PREX2: variants seen among roughly 807,000 people sequenced by gnomAD.
PREX2 encodes phosphatidylinositol-3,4,5-trisphosphate dependent Rac exchange factor 2.
Under a neutral mutation model 203.2 loss-of-function variants are expected in PREX2, and 107 were observed. The ratio of observed to expected loss-of-function variants is 0.53; its 90% CI spans 0.45 to 0.62. The LOEUF is 0.62. PREX2 is among the 20% of genes least tolerant of loss of function. The pLI is 0.00. For synonymous variants in PREX2, 672 were observed against 663.6 expected (o/e 1.01, Z -0.19); for missense variants, 1,777 against 1,955.9 (o/e 0.91, Z 1.72).
At chr8:67,961,020 A>G (rs1167837330) in intron 1 of PREX2, among the ~76,000 whole-genome samples, 1 of 151,250 alleles carries the variant, frequency 6.6e-6, no homozygotes, top group Non-Finnish European at 1.5e-5. Context: ...ACCATGGTGC[A>G]AATAGTATAA....
chr8:68,159,295 A>T (rs1052991737), intron 35 of PREX2, among the ~76,000 whole-genome samples: 1 of 152,240 alleles, frequency 6.6e-6, no homozygotes, highest in South Asian at 2.1e-4. Flanking sequence ...TACCAAAGAC[A>T]AATCTTAGTT....
chr8:68,191,687 C>A, intron 35 of PREX2, 35 bp from the exon 36 acceptor site: 16 of 1,484,984 alleles, frequency 1.1e-5, no homozygotes, highest in Non-Finnish European at 1.5e-5. Flanking sequence ...CTTTTCCTAA[C>A]AACAAATGAT....
In PREX2 at chr8:68,076,781, A is replaced by G. The variant is rs1189882888; in HGVS notation, c.1570-616A>G. 2.0e-5 allele frequency among the ~76,000 whole-genome samples: 3 copies of G among 152,028 alleles called. No homozygotes were observed. The East Asian group carries it at 5.8e-4, about 30-fold the overall frequency. On this transcript the variant is annotated intron_variant, in intron 14 of 39. Transcript: ENST00000288368. ...AAGGCATAAAATAGGTGTTTTCTAA[A>G]TGAAAACCAAAAGAAAAAGGTTGCT...
At chr8:68,097,349 G>C in intron 22 of PREX2, 148 bp downstream of exon 22, 1 of 640,192 alleles carries the variant, frequency 1.6e-6, no homozygotes, top group African/African-American at 1.9e-5. Flanking sequence ...TCTTGAGACA[G>C]AATATCACTC....
intron 1 of PREX2, among the ~76,000 whole-genome samples, chr8:67,984,630 A>G (rs1107152): frequency 0.44 from 66,203 of 152,056 alleles, 15,040 homozygotes; most frequent in East Asian, 0.61. Flanking sequence ...GACTTGTGGC[A>G]ATTCAGTGCC....
At chr8:67,993,982 G>C (rs1418699870) in intron 1 of PREX2, among the ~76,000 whole-genome samples, 1 of 152,172 alleles carries the variant, frequency 6.6e-6, no homozygotes, top group Non-Finnish European at 1.5e-5. Context: ...TAATTGAAGA[G>C]AGAAGTGATT....
chr8:67,985,208 C>T (rs1409384249), intron 1 of PREX2, among the ~76,000 whole-genome samples: 1 of 152,152 alleles, frequency 6.6e-6, no homozygotes, highest in African/African-American at 2.4e-5. Flanking sequence ...CGTGAATACT[C>T]ATCAGCATTT....
At chr8:68,156,575 A>T (rs1236913826) in intron 34 of PREX2, among the ~76,000 whole-genome samples, 1 of 152,208 alleles carries the variant, frequency 6.6e-6, no homozygotes, top group Non-Finnish European at 1.5e-5. Context: ...GCAAAAGACA[A>T]GTTAACAAGA....
intron 22 of PREX2, 36 bp from the exon 23 acceptor site, chr8:68,099,646 G>C: frequency 6.3e-7 from 1 of 1,590,246 alleles, no homozygotes; most frequent in Admixed American, 1.7e-5. Context: ...ATGTGTGTTT[G>C]TGTGTGTGGG....
intron 6 of PREX2, among the ~76,000 whole-genome samples, chr8:68,036,959 A>G (rs949995819): frequency 1.3e-5 from 2 of 152,218 alleles, no homozygotes; most frequent in African/African-American, 4.8e-5. Flanking sequence ...AGAAGAAATA[A>G]TAAAGGAAAA....
At chr8:68,037,600 A>G (rs1170267964) in intron 6 of PREX2, among the ~76,000 whole-genome samples, 1 of 152,140 alleles carries the variant, frequency 6.6e-6, no homozygotes, top group African/African-American at 2.4e-5. Flanking sequence ...CACTTATTTA[A>G]TTAGCTAGAG....
chr8:68,089,926 T>A (rs1447207964), intron 19 of PREX2, among the ~76,000 whole-genome samples: 1 of 152,216 alleles, frequency 6.6e-6, no homozygotes, highest in Non-Finnish European at 1.5e-5. Context: ...AAATCTTAGC[T>A]CACTGGTTAG....
At chr8:67,959,991 T>C (rs1047707361) in intron 1 of PREX2, among the ~76,000 whole-genome samples, 2 of 152,170 alleles carry the variant, frequency 1.3e-5, no homozygotes, top group Non-Finnish European at 1.5e-5. Context: ...CTTCTGTAGG[T>C]AAAGTCCTGA....
chr8:68,070,878 C>T (rs972336361), intron 13 of PREX2, among the ~76,000 whole-genome samples: 3 of 152,046 alleles, frequency 2.0e-5, no homozygotes, highest in African/African-American at 7.2e-5. Flanking sequence ...ACCCACAATC[C>T]TGAAAGTGCC....
chr8:68,184,856 G>A (rs959757014), intron 35 of PREX2, among the ~76,000 whole-genome samples: 1 of 152,106 alleles, frequency 6.6e-6, no homozygotes, highest in Non-Finnish European at 1.5e-5. Flanking sequence ...TTTTAAATAA[G>A]GCAATTGCAT....
At chr8:68,075,834 G>T (rs1312076843) in intron 14 of PREX2, among the ~76,000 whole-genome samples, 1 of 152,192 alleles carries the variant, frequency 6.6e-6, no homozygotes, top group Non-Finnish European at 1.5e-5. Context: ...ATGAGGGTTG[G>T]ATTTGTCACA....
At chr8:67,960,690 A>G (rs1805610639) in intron 1 of PREX2, among the ~76,000 whole-genome samples, 1 of 152,034 alleles carries the variant, frequency 6.6e-6, no homozygotes, top group African/African-American at 2.4e-5. Flanking sequence ...TTCTTCCTCT[A>G]TGAAGTTGAA....
intron 29 of PREX2, among the ~76,000 whole-genome samples, chr8:68,120,548 A>T (rs1224724170): frequency 1.3e-5 from 2 of 152,306 alleles, no homozygotes; most frequent in East Asian, 3.9e-4. Flanking sequence ...TTAATTGAAG[A>T]TACATAAACA....
intron 31 of PREX2, among the ~76,000 whole-genome samples, chr8:68,129,904 C>T (rs1463884624): frequency 2.0e-5 from 3 of 146,764 alleles, no homozygotes; most frequent in Non-Finnish European, 3.0e-5. Context: ...AAAAAACCCT[C>T]AAATTCTCTG....
Sources: gnomAD v4.1 joint callset for allele counts (sites outside exome capture counted in the v4.1 genomes callset) on GRCh38, gnomAD v4.1.1 for gene constraint, MANE v1.5 for transcripts, NCBI Gene and HGNC (gene_info 2026-07-23, HGNC 2026-07-21) for gene names.